The following ANKH variants were observed in gnomAD, a reference collection of about 807,000 sequenced individuals.
The protein encoded by ANKH is ANKH inorganic pyrophosphate transport regulator.
ANKH carries 15 observed loss-of-function variants against 49.0 expected under a neutral mutation model. That is an observed-to-expected ratio of 0.31 (90% CI 0.20 to 0.47). ANKH has a LOEUF of 0.47. ANKH is among the 20% of genes least tolerant of loss of function. The pLI is 1.00. For synonymous variants in ANKH, 273 were observed against 260.0 expected (o/e 1.05, Z -0.48); for missense variants, 429 against 652.0 (o/e 0.66, Z 3.72).
intron 1 of ANKH, among the ~76,000 whole-genome samples, chr5:14,817,547 C>T (rs1741076086): frequency 6.6e-6 from 1 of 152,200 alleles, no homozygotes; most frequent in Non-Finnish European, 1.5e-5. Flanking sequence ...TCTCCTTACT[C>T]CTCAATCCTC....
At chr5:14,845,366 AT>A (rs60459352) in intron 1 of ANKH, among the ~76,000 whole-genome samples, 804 of 75,692 alleles carry the variant, frequency 0.011, 11 homozygotes, top group African/African-American at 0.036. Flanking sequence ...ATATATATAT[AT>A]TTTTTTTTTT....
intron 1 of ANKH, among the ~76,000 whole-genome samples, chr5:14,784,579 C>T (rs1433597469): frequency 2.0e-5 from 3 of 152,178 alleles, no homozygotes; most frequent in Non-Finnish European, 4.4e-5. Context: ...GTTTGGGGAA[C>T]TGTAGTGCCC....
chr5:14,736,386 G>A (rs746534295), intron 8 of ANKH, among the ~76,000 whole-genome samples: 15 of 152,264 alleles, frequency 9.9e-5, no homozygotes, highest in East Asian at 3.9e-4. Flanking sequence ...AAAATCAACC[G>A]GTGGATAACC....
intron 1 of ANKH, among the ~76,000 whole-genome samples, chr5:14,771,327 T>C (rs1422275892): frequency 1.3e-5 from 2 of 152,200 alleles, no homozygotes; most frequent in Admixed American, 1.3e-4. Flanking sequence ...CAGCATACCC[T>C]GAGAATGACC....
At chr5:14,759,378 C>T (rs962854288) in intron 2 of ANKH, among the ~76,000 whole-genome samples, 9 of 152,106 alleles carry the variant, frequency 5.9e-5, no homozygotes, top group African/African-American at 2.2e-4. Context: ...AGTCAGGAAT[C>T]CTGACAGATA....
chr5:14,857,624 C>T (rs938038123), intron 1 of ANKH, among the ~76,000 whole-genome samples: 5 of 151,988 alleles, frequency 3.3e-5, no homozygotes, highest in African/African-American at 1.2e-4. Flanking sequence ...CGCCACTGCA[C>T]TCCAGCCTGG....
intron 1 of ANKH, among the ~76,000 whole-genome samples, chr5:14,831,533 G>A (rs890331700): frequency 6.6e-6 from 1 of 152,064 alleles, no homozygotes; most frequent in Admixed American, 6.6e-5. Flanking sequence ...GGGGACGACG[G>A]GGGGCCTTTA....
At chr5:14,731,297 G>C (rs948821337) in intron 8 of ANKH, among the ~76,000 whole-genome samples, 1 of 152,164 alleles carries the variant, frequency 6.6e-6, no homozygotes, top group African/African-American at 2.4e-5. Flanking sequence ...AGGGTCTATG[G>C]TGGTACCAAA....
intron 11 of ANKH, among the ~76,000 whole-genome samples, chr5:14,712,322 G>C (rs1001215819): frequency 2.0e-5 from 3 of 152,208 alleles, no homozygotes; most frequent in African/African-American, 4.8e-5. Flanking sequence ...ATGTGTCCTC[G>C]TTCTTCCACC....
intron 1 of ANKH, among the ~76,000 whole-genome samples, chr5:14,771,137 G>A (rs544071405): frequency 2.2e-4 from 33 of 152,306 alleles, no homozygotes; most frequent in Admixed American, 5.2e-4. Context: ...AGGAGCCAAC[G>A]GGTGCTTGAA....
In ANKH at chr5:14,768,826, A is replaced by C; in HGVS notation, c.313+149T>G. On this transcript the variant is annotated intron_variant, in intron 2 of 11. Transcript: ENST00000284268. ...ATTATTGTCTTAAGCTAGGAGCACAAGCGCTTTCCTTCTATCCCCTGAAAA... is the reference window on the plus strand; with the variant it reads ...ATTATTGTCTTAAGCTAGGAGCACACGCGCTTTCCTTCTATCCCCTGAAAA... 3 of 848,658 alleles carry C rather than the reference A, an allele frequency of 3.5e-6. No homozygotes were observed. In the South Asian group the frequency reaches 4.4e-5, roughly 13 times the overall value. 52.6% of individuals were successfully genotyped at this position (848,658 alleles called of 1,614,324 possible).
At chr5:14,720,851 G>A (rs552429047) in intron 8 of ANKH, among the ~76,000 whole-genome samples, 2 of 152,356 alleles carry the variant, frequency 1.3e-5, no homozygotes, top group East Asian at 3.9e-4. Flanking sequence ...TCATTGTAAA[G>A]TGGCTCTTCA....
intron 1 of ANKH, among the ~76,000 whole-genome samples, chr5:14,850,046 G>T (rs374912462): frequency 6.6e-6 from 1 of 152,142 alleles, no homozygotes; most frequent in Non-Finnish European, 1.5e-5. Flanking sequence ...CACATAAAAG[G>T]TATGTTTTTG....
chr5:14,805,457 ATG>A (rs1561063715), intron 1 of ANKH, among the ~76,000 whole-genome samples: 3 of 73,864 alleles, frequency 4.1e-5, no homozygotes, highest in Non-Finnish European at 7.5e-5. Flanking sequence ...GTATATATAT[ATG>A]TACACACACA....
Position 14,718,829 on chromosome 5 carries a change from A to ACCC in ANKH, c.1012-1997_1012-1995dup, listed in dbSNP as rs763245972. Reference sequence around the variant, plus strand: ...AGCGAAACTCCATCCTCCCAACACCACCCCCCCCCCAAAAAAAAAAGACAT... The same window carrying ACCC: ...AGCGAAACTCCATCCTCCCAACACCACCCCCCCCCCCCCAAAAAAAAAAGACAT... On this transcript the variant is annotated intron_variant, in intron 8 of 11. Transcript: ENST00000284268. Among the ~76,000 whole-genome samples, 192 of 85,660 alleles carry ACCC rather than the reference A, an allele frequency of 2.2e-3. 3 individuals carry two copies. The highest frequency in any genetic ancestry group is 4.8e-3 in the African/African-American group (115 of 24,110). The allele number at this position is 85,660 out of a possible 152,430, so 56.2% of individuals were successfully genotyped here.
chr5:14,803,120 TGTTG>T (rs1214323909), intron 1 of ANKH, among the ~76,000 whole-genome samples: 1 of 152,174 alleles, frequency 6.6e-6, no homozygotes, highest in Non-Finnish European at 1.5e-5. Context: ...GTTGTTTAAA[TGTTG>T]GTGTGTGCAT....
At chr5:14,782,338 A>T (rs1739833090) in intron 1 of ANKH, among the ~76,000 whole-genome samples, 1 of 152,152 alleles carries the variant, frequency 6.6e-6, no homozygotes, top group South Asian at 2.1e-4. Flanking sequence ...TTTATTCCCC[A>T]GTTTACTGGG....
In ANKH at chr5:14,745,754, C is replaced by T; in HGVS notation, c.915+116G>A. The T allele has an allele frequency of 2.2e-6, 2 of 907,096 alleles. No homozygotes were observed. The highest frequency in any genetic ancestry group is 3.6e-6 in the Non-Finnish European group (2 of 553,614). 56.2% of individuals were successfully genotyped at this position (907,096 alleles called of 1,614,324 possible). On this transcript the variant is annotated intron_variant, in intron 7 of 11. Coordinates refer to ENST00000284268, the MANE Select transcript of ANKH (RefSeq NM_054027.6). The surrounding 1 kb of genome is among the most constrained non-coding windows in gnomAD (Gnocchi z 4.7). Reference sequence around the variant, plus strand: ...TTCAATGCCCCCAACGTCACATTAACCTTACAAAGGGAAGCAGGACTGAGA... The same window carrying T: ...TTCAATGCCCCCAACGTCACATTAATCTTACAAAGGGAAGCAGGACTGAGA...
At chr5:14,776,827 A>G (rs1029820351) in intron 1 of ANKH, among the ~76,000 whole-genome samples, 1 of 152,204 alleles carries the variant, frequency 6.6e-6, no homozygotes, top group African/African-American at 2.4e-5. Context: ...AAGTAAAGAC[A>G]CTTTAGATTA....
Sources: allele counts gnomAD v4.1 joint callset (sites outside exome capture counted in the v4.1 genomes callset), GRCh38; gene constraint gnomAD v4.1.1; non-coding constraint Gnocchi (gnomAD v3.1); transcripts MANE v1.5; gene names NCBI Gene and HGNC (gene_info 2026-07-23, HGNC 2026-07-21).